Variants in MCEE observed in about 807,000 individuals in gnomAD.
MCEE encodes methylmalonyl-CoA epimerase, also known as methylmalonyl-CoA epimerase, mitochondrial.
In MCEE, 6 loss-of-function variants were observed where a neutral mutation model predicts 12.9. The observed-to-expected ratio is 0.47, with a 90% CI of 0.26 to 0.92. The LOEUF (loss-of-function observed/expected upper bound fraction) is 0.92, where lower values mean the gene tolerates loss of function less well. Ranked by LOEUF, MCEE falls within the 40% of genes least tolerant of loss-of-function variation. The pLI is 0.16. For missense variants in MCEE, 214 were observed against 212.1 expected, an observed-to-expected ratio of 1.01 and a Z score of -0.05; for synonymous variants, 78 against 77.9, an observed-to-expected ratio of 1.00 and a Z score of -0.01.
intron 2 of MCEE, among the ~76,000 whole-genome samples, chr2:71,111,428 T>C (rs1672883091): frequency 6.6e-6 from 1 of 152,178 alleles, no homozygotes. Context: ...TAGGTGGGAT[T>C]GGAGCAGCTT....
intron 2 of MCEE, among the ~76,000 whole-genome samples, chr2:71,110,428 A>G (rs1332562723): frequency 2.0e-5 from 3 of 152,220 alleles, no homozygotes; most frequent in Non-Finnish European, 2.9e-5. Flanking sequence ...ACTATTAGTG[A>G]GATTGAAGAC....
At chr2:71,130,149 A>T (rs1326071283) in intron 1 of MCEE, 31 bp downstream of exon 1, 1 of 1,603,878 alleles carries the variant, frequency 6.2e-7, no homozygotes, top group South Asian at 1.1e-5. Flanking sequence ...TCCCTGTCCC[A>T]TGGCGAAGGT....
intron 1 of MCEE, 35 bp from the exon 2 acceptor site, chr2:71,124,578 T>G (rs1348620265): frequency 6.6e-7 from 1 of 1,521,254 alleles, no homozygotes; most frequent in South Asian, 1.1e-5. Flanking sequence ...ATCCTTCTTT[T>G]GAGAATTAAC....
chr2:71,120,079 A>C (rs1218878967), intron 2 of MCEE, among the ~76,000 whole-genome samples: 1 of 149,884 alleles, frequency 6.7e-6, no homozygotes, highest in Non-Finnish European at 1.5e-5. Flanking sequence ...TAGAGGGAGA[A>C]GGGTGTCTGA....
In MCEE at chr2:71,113,748, G is replaced by A. The variant is rs555012844; in HGVS notation, c.379-3626C>T. On this transcript the variant is annotated intron_variant, in intron 2 of 2. Transcript: ENST00000244217. ...ACTGATATAACTCTCTATTCCTTAA[G>A]TGTGGGCCTTGCATAATGACTTCCT... Among the ~76,000 whole-genome samples, 18 of 152,162 alleles carry A rather than the reference G, an allele frequency of 1.2e-4. No homozygotes were observed. The South Asian group carries it at 1.2e-3, about 10-fold the overall frequency.
At chr2:71,122,365 G>T (rs952230636) in intron 2 of MCEE, among the ~76,000 whole-genome samples, 5 of 152,132 alleles carry the variant, frequency 3.3e-5, no homozygotes, top group African/African-American at 1.2e-4. Context: ...AAACTCCTGG[G>T]CTCGAGCAAT....
At position 71,124,280 on chromosome 2, in the gene MCEE, A is replaced by G. The variant is rs767011431; in HGVS notation, c.304T>C (p.Leu102=). Residue 102 remains leucine, a synonymous_variant, in exon 2 of 3, where the codon TTG becomes CTG. Coordinates refer to ENST00000244217, the MANE Select transcript of MCEE (RefSeq NM_032601.4). ...CCTGCAATTGGACTGTCACGTCCCA[A>G]TGGATGAAGCAGTTCCATCTTGGTA... is the stretch of plus-strand genomic sequence containing the variant. ...GNTKMELLHP[L]GRDSPIAGFL... is the part of the protein sequence containing the mutation. 5.8e-5 allele frequency: 94 copies of G among 1,614,050 alleles called. No homozygotes were observed. The highest frequency in any genetic ancestry group is 1.3e-4 in the East Asian group (6 of 44,898).
intron 2 of MCEE, among the ~76,000 whole-genome samples, chr2:71,123,486 C>T (rs2103637083): frequency 7.2e-6 from 1 of 138,018 alleles, no homozygotes; most frequent in East Asian, 2.3e-4. Flanking sequence ...GAGTAAGACT[C>T]CGTCTCAAAA....
At chr2:71,119,113 A>G (rs1255624331) in intron 2 of MCEE, among the ~76,000 whole-genome samples, 1 of 150,370 alleles carries the variant, frequency 6.7e-6, no homozygotes, top group African/African-American at 2.5e-5. Flanking sequence ...TAGGTACTCA[A>G]TACTGTTTAT....
intron 1 of MCEE, chr2:71,129,977 A>C (rs1673334220): frequency 1.5e-6 from 1 of 650,324 alleles, no homozygotes; most frequent in African/African-American, 1.8e-5. Context: ...AATGGGACTC[A>C]TGCACAAGGC....
At chr2:71,114,634 A>G (rs1188774675) in intron 2 of MCEE, among the ~76,000 whole-genome samples, 1 of 152,192 alleles carries the variant, frequency 6.6e-6, no homozygotes, top group Non-Finnish European at 1.5e-5. Context: ...AATCTGGGAA[A>G]TTTAATTTAT....
At chr2:71,129,956 T>C (rs996548454) in intron 1 of MCEE, 3 of 625,102 alleles carry the variant, frequency 4.8e-6, no homozygotes, top group Non-Finnish European at 8.7e-6. Context: ...GGCGCACAGC[T>C]CTCGGATGGA....
intron 2 of MCEE, among the ~76,000 whole-genome samples, chr2:71,119,225 G>A (rs1439013820): frequency 1.3e-5 from 2 of 150,448 alleles, no homozygotes; most frequent in Admixed American, 6.6e-5. Context: ...ATTGTTGTGC[G>A]AACATCACCA....
intron 2 of MCEE, among the ~76,000 whole-genome samples, chr2:71,114,023 A>C (rs911021397): frequency 3.0e-4 from 45 of 152,228 alleles, no homozygotes; most frequent in Non-Finnish European, 1.3e-4. Context: ...AAATAACTGA[A>C]CAGTAATCTT....
At chr2:71,113,254 T>C (rs1296348622) in intron 2 of MCEE, among the ~76,000 whole-genome samples, 1 of 152,218 alleles carries the variant, frequency 6.6e-6, no homozygotes, top group Non-Finnish European at 1.5e-5. Context: ...ATGAATTCTA[T>C]AATATAGTTA....
At chr2:71,116,331 CA>C (rs1204814763) in intron 2 of MCEE, among the ~76,000 whole-genome samples, 1 of 150,090 alleles carries the variant, frequency 6.7e-6, no homozygotes, top group African/African-American at 2.5e-5. Context: ...CTCGGCCTCC[CA>C]AAAGTGCTGG....
At chr2:71,128,665 G>A (rs1248534344) in intron 1 of MCEE, among the ~76,000 whole-genome samples, 2 of 151,936 alleles carry the variant, frequency 1.3e-5, no homozygotes, top group African/African-American at 4.8e-5. Flanking sequence ...GAGTACCCGG[G>A]ATAACAGGCG....
intron 1 of MCEE, among the ~76,000 whole-genome samples, chr2:71,128,883 G>T (rs1270735909): frequency 6.6e-6 from 1 of 151,304 alleles, no homozygotes; most frequent in Non-Finnish European, 1.5e-5. Flanking sequence ...CCAGCTACTC[G>T]GGAGGCTGAG....
At chr2:71,123,552 C>A (rs1455291525) in intron 2 of MCEE, among the ~76,000 whole-genome samples, 1 of 150,974 alleles carries the variant, frequency 6.6e-6, no homozygotes, top group Non-Finnish European at 1.5e-5. Flanking sequence ...GTCATTCTTT[C>A]TATAAAAAGA....
Sources: gnomAD v4.1 joint callset for allele counts (sites outside exome capture counted in the v4.1 genomes callset) on GRCh38, gnomAD v4.1.1 for gene constraint, MANE v1.5 for transcripts, NCBI Gene and HGNC (gene_info 2026-07-23, HGNC 2026-07-21) for gene names.